KCNH5: variants seen among roughly 807,000 people sequenced by gnomAD.
KCNH5 encodes the protein potassium voltage-gated channel subfamily H member 5.
In KCNH5, 46 loss-of-function variants were observed where a neutral mutation model predicts 96.1. That is an observed-to-expected ratio of 0.48 (90% CI 0.38 to 0.61). The LOEUF (loss-of-function observed/expected upper bound fraction) is 0.61, where lower values mean the gene tolerates loss of function less well. Among genes scored for constraint, KCNH5 ranks in the 20% least tolerant of loss-of-function variants. The pLI is 0.00. For synonymous variants in KCNH5, 439 were observed against 449.8 expected, an observed-to-expected ratio of 0.98 and a Z score of 0.30; for missense variants, 907 against 1,225.8, an observed-to-expected ratio of 0.74 and a Z score of 3.88.
intron 7 of KCNH5, among the ~76,000 whole-genome samples, chr14:62,901,741 C>G (rs1014646186): frequency 6.6e-6 from 1 of 152,148 alleles, no homozygotes; most frequent in Non-Finnish European, 1.5e-5. Context: ...TGAAAATATA[C>G]CCAGTAATGG....
chr14:62,882,540 G>A lies in KCNH5; in HGVS notation c.1370-32688C>T, dbSNP rs117405309. ...TCTTCACAACGCTGAGGTTTGCATA[G>A]CAGACTGTGGAGTAGGACCACATGC... On this transcript the variant is annotated intron_variant, in intron 7 of 10. Transcript: ENST00000322893. Among the ~76,000 whole-genome samples, 504 of 152,314 alleles carry A rather than the reference G, an allele frequency of 3.3e-3. 5 individuals are homozygous for A. The highest frequency in any genetic ancestry group is 6.0e-3 in the Non-Finnish European group (407 of 68,030).
chr14:62,754,893 A>G (rs1433293278), intron 10 of KCNH5, among the ~76,000 whole-genome samples: 1 of 146,772 alleles, frequency 6.8e-6, no homozygotes, highest in Non-Finnish European at 1.5e-5. Flanking sequence ...ATAAAGTAAA[A>G]TAAAATAAAA....
In KCNH5 at chr14:62,804,778, A is replaced by C. The variant is rs773072421; in HGVS notation, c.1570-2197T>G. On this transcript the variant is annotated intron_variant, in intron 8 of 10. Coordinates refer to ENST00000322893, the MANE Select transcript of KCNH5 (RefSeq NM_139318.5). ...TAGGCTTATTGCAGAAATTAAATGA[A>C]AGGGCATGAGTTGAGCCTAGTTTAG... Among the ~76,000 whole-genome samples, 176 of 152,200 alleles carry C rather than the reference A, an allele frequency of 1.2e-3. 6 individuals are homozygous for C. The highest frequency in any genetic ancestry group is 2.0e-4 in the Admixed American group (3 of 15,274).
At chr14:62,984,986 G>C (rs1377051411) in intron 5 of KCNH5, among the ~76,000 whole-genome samples, 1 of 152,068 alleles carries the variant, frequency 6.6e-6, no homozygotes, top group African/African-American at 2.4e-5. Context: ...GTGTGGTTAA[G>C]ACCCCAAAGG....
intron 1 of KCNH5, among the ~76,000 whole-genome samples, chr14:63,030,739 T>C (rs1891609644): frequency 6.6e-6 from 1 of 152,188 alleles, no homozygotes; most frequent in Admixed American, 6.5e-5. Context: ...AGAGCAATAA[T>C]TCCTAAATGC....
intron 1 of KCNH5, 58 bp downstream of exon 1, chr14:63,045,055 TG>T: frequency 2.3e-6 from 3 of 1,305,192 alleles, no homozygotes; most frequent in Non-Finnish European, 1.1e-6. Context: ...ATGGGGAGGA[TG>T]GGGGGCGCGT....
chr14:62,958,782 T>C (rs1264786335), intron 6 of KCNH5, among the ~76,000 whole-genome samples: 1 of 152,148 alleles, frequency 6.6e-6, no homozygotes, highest in Non-Finnish European at 1.5e-5. Flanking sequence ...AAGACAGTTA[T>C]ACAGTGGGTT....
Position 62,706,734 on chromosome 14 carries a change from T to C in KCNH5, c.*774A>G, listed in dbSNP as rs1406101035. The C allele has an allele frequency of 1.3e-5, 2 of 152,170 alleles. No homozygotes were observed. Among genetic ancestry groups the C allele is most frequent in the Non-Finnish European group, 2.9e-5 (2 of 68,004 alleles). The allele number at this position is 152,170 out of a possible 1,614,324, so 9.4% of individuals were successfully genotyped here. On this transcript the variant is annotated 3_prime_UTR_variant, in exon 11 of 11. Transcript: ENST00000322893. ...GTGGTGCAGTGTTTCTATAATAACA[T>C]ACTCTATATTAATAGTTTAGTATTT...
intron 10 of KCNH5, among the ~76,000 whole-genome samples, chr14:62,709,482 G>A (rs960042357): frequency 2.0e-5 from 3 of 152,066 alleles, no homozygotes; most frequent in Non-Finnish European, 4.4e-5. Context: ...TGAATAAACT[G>A]CCTCGAAAAC....
At chr14:62,947,983 C>G (rs564504023) in intron 7 of KCNH5, among the ~76,000 whole-genome samples, 1 of 151,936 alleles carries the variant, frequency 6.6e-6, no homozygotes, top group African/African-American at 2.4e-5. Flanking sequence ...CCCTCTCCCC[C>G]CACCCCACAA....
chr14:62,806,624 G>T (rs1327888373), intron 8 of KCNH5, among the ~76,000 whole-genome samples: 2 of 152,052 alleles, frequency 1.3e-5, no homozygotes, highest in Non-Finnish European at 2.9e-5. Flanking sequence ...ATAAAGAATG[G>T]GATTGGGTTA....
At chr14:63,037,928 C>A (rs1891752308) in intron 1 of KCNH5, among the ~76,000 whole-genome samples, 1 of 152,156 alleles carries the variant, frequency 6.6e-6, no homozygotes, top group East Asian at 1.9e-4. Flanking sequence ...TTAAGCAGTT[C>A]TTTCTGGTAT....
chr14:62,983,421 T>A (rs1890648085), intron 5 of KCNH5, among the ~76,000 whole-genome samples: 1 of 151,872 alleles, frequency 6.6e-6, no homozygotes, highest in East Asian at 1.9e-4. Flanking sequence ...TATATATACA[T>A]ATGTGTGTGT....
At chr14:62,776,477 C>T (rs915061) in intron 10 of KCNH5, among the ~76,000 whole-genome samples, 6,821 of 152,204 alleles carry the variant, frequency 0.045, 334 homozygotes, top group East Asian at 0.25. Flanking sequence ...ATACACTTCC[C>T]AGCCTCCAGA....
intron 7 of KCNH5, among the ~76,000 whole-genome samples, chr14:62,917,681 G>A (rs745645766): frequency 6.6e-6 from 1 of 152,154 alleles, no homozygotes; most frequent in Non-Finnish European, 1.5e-5. Context: ...GCACTCTGAC[G>A]TGGTACTCTT....
At chr14:62,880,926 A>C (rs1477805854) in intron 7 of KCNH5, among the ~76,000 whole-genome samples, 6 of 152,224 alleles carry the variant, frequency 3.9e-5, no homozygotes, top group African/African-American at 1.4e-4. Context: ...TCCCGCATAG[A>C]GTGCCAGCCA....
intron 10 of KCNH5, among the ~76,000 whole-genome samples, chr14:62,751,700 G>T (rs113330394): frequency 2.6e-4 from 40 of 152,298 alleles, no homozygotes; most frequent in African/African-American, 9.1e-4. Flanking sequence ...CCCATGTGGG[G>T]GATGAGCTTA....
chr14:62,860,287 C>T (rs1250446022), intron 7 of KCNH5, among the ~76,000 whole-genome samples: 1 of 152,220 alleles, frequency 6.6e-6, no homozygotes, highest in African/African-American at 2.4e-5. Flanking sequence ...AGGCTCCAAA[C>T]AGCATCCCTA....
At chr14:62,815,131 G>T (rs1276505553) in intron 8 of KCNH5, among the ~76,000 whole-genome samples, 1 of 152,094 alleles carries the variant, frequency 6.6e-6, no homozygotes, top group Admixed American at 6.6e-5. Flanking sequence ...ACTATATATA[G>T]GATAAATCCA....
Sources: allele counts gnomAD v4.1 joint callset (sites outside exome capture counted in the v4.1 genomes callset), GRCh38; gene constraint gnomAD v4.1.1; transcripts MANE v1.5; gene names NCBI Gene and HGNC (gene_info 2026-07-23, HGNC 2026-07-21).